Variants in KDM4C observed in about 807,000 individuals in gnomAD.
The protein encoded by KDM4C is lysine demethylase 4C.
KDM4C carries 81 observed loss-of-function variants against 129.3 expected under a neutral mutation model. That is an observed-to-expected ratio of 0.63 (90% CI 0.52 to 0.75). KDM4C has a LOEUF of 0.75. Among genes scored for constraint, KDM4C ranks in the 30% least tolerant of loss-of-function variants. The pLI, the probability that KDM4C is intolerant of heterozygous loss-of-function variation, is 0.00. For missense variants in KDM4C, 1,457 were observed against 1,304.0 expected, an observed-to-expected ratio of 1.12 and a Z score of -1.81; for synonymous variants, 573 against 456.1, an observed-to-expected ratio of 1.26 and a Z score of -3.26.
chr9:6,776,661 A>G (rs1015867017), intron 1 of KDM4C, among the ~76,000 whole-genome samples: 6 of 141,866 alleles, frequency 4.2e-5, no homozygotes, highest in Non-Finnish European at 6.1e-5. Flanking sequence ...CTGGAGTGCA[A>G]TGGCGCTATC....
intron 21 of KDM4C, chr9:7,170,939 C>CA (rs543398910): frequency 2.5e-4 from 39 of 152,994 alleles, no homozygotes; most frequent in South Asian, 6.9e-4. Flanking sequence ...AAAAAAAAAG[C>CA]AAAAAAAAAC....
intron 12 of KDM4C, among the ~76,000 whole-genome samples, chr9:7,009,154 C>T (rs888870366): frequency 3.3e-5 from 5 of 152,156 alleles, no homozygotes; most frequent in Non-Finnish European, 5.9e-5. Flanking sequence ...ATCAGGAAGA[C>T]AATGCACAAA....
chr9:6,990,565 T>G (rs77909542), intron 12 of KDM4C, 41 bp downstream of exon 12: 3 of 807,382 alleles, frequency 3.7e-6, no homozygotes, highest in East Asian at 2.9e-5. Context: ...TTTTTTTTTT[T>G]GGTGTGTAAA....
At chr9:7,044,490 A>T (rs1306648748) in intron 15 of KDM4C, among the ~76,000 whole-genome samples, 1 of 151,928 alleles carries the variant, frequency 6.6e-6, no homozygotes, top group Non-Finnish European at 1.5e-5. Context: ...AGCGAAAGTG[A>T]TGGCAGTGAT....
At position 7,013,820 on chromosome 9, in the gene KDM4C, A is replaced by T; in HGVS notation, c.2001A>T (p.Arg667Ser). The T allele has an allele frequency of 6.2e-7, 1 of 1,614,004 alleles. No homozygotes were observed. The highest frequency in any genetic ancestry group is 8.5e-7 in the Non-Finnish European group (1 of 1,179,906). Residue 667 changes from arginine to serine, a missense_variant, in exon 14 of 22, where the codon AGA (arginine) becomes AGT (serine). Coordinates refer to ENST00000381309, the MANE Select transcript of KDM4C (RefSeq NM_015061.6). ...PDSSNEENDA[R>S]WETKLDEVVT... ...GCAGCAATGAAGAAAATGATGCTAG[A>T]TGGGAGACAAAATTAGATGAAGTCG...
In KDM4C at chr9:6,981,002, T is replaced by A. The variant is rs557445858; in HGVS notation, c.999T>A (p.Leu333=). ...AATTTCAGCCAGACAGATATCAGCT[T>A]TGGAAACAAGGAAAGGATATATACA... ...VRKFQPDRYQ[L]WKQGKDIYTI... Residue 333 remains leucine (L), a synonymous_variant, in exon 9 of 22, where the codon CTT becomes CTA. Coordinates refer to ENST00000381309, the MANE Select transcript of KDM4C (RefSeq NM_015061.6). 6.8e-6 allele frequency: 11 copies of A among 1,613,886 alleles called. No individual in the cohort carries two copies. The South Asian group carries it at 1.2e-4, about 18-fold the overall frequency.
At chr9:6,916,023 G>A (rs770666312) in intron 8 of KDM4C, among the ~76,000 whole-genome samples, 24 of 152,318 alleles carry the variant, frequency 1.6e-4, no homozygotes, top group Non-Finnish European at 2.9e-4. Context: ...AATTTGGACA[G>A]CTTTGTGAGA....
intron 17 of KDM4C, among the ~76,000 whole-genome samples, chr9:7,057,309 A>G (rs1830996727): frequency 6.6e-6 from 1 of 152,264 alleles, no homozygotes; most frequent in Non-Finnish European, 1.5e-5. Flanking sequence ...AGACACAGAT[A>G]CTAGGACTGT....
rs560569999 is a variant in KDM4C at position 6,954,010 on chromosome 9, G to A, written c.922-26915G>A. ...GAGGTTTCAGAAGTAGCTGTCGGGGGTCAGCAAACCTTGCGCATAGGACTT... is the reference window on the plus strand; with the variant it reads ...GAGGTTTCAGAAGTAGCTGTCGGGGATCAGCAAACCTTGCGCATAGGACTT... On this transcript the variant is annotated intron_variant, in intron 8 of 21. Transcript: ENST00000381309. Among the ~76,000 whole-genome samples, 10 of 152,274 alleles carry A rather than the reference G, an allele frequency of 6.6e-5. 1 individual carries two copies. In the South Asian group the frequency reaches 2.1e-3, roughly 32 times the overall value.
rs138247154 is a variant in KDM4C at position 6,854,058 on chromosome 9, A to T, written c.629+4358A>T. On this transcript the variant is annotated intron_variant, in intron 5 of 21. Coordinates refer to ENST00000381309, the MANE Select transcript of KDM4C (RefSeq NM_015061.6). Reference sequence around the variant, plus strand: ...TTTTTTTTAGTCATAGTAGTTACTTAAAGTCTGAACTTGGCCATAATGTAT... The same window carrying T: ...TTTTTTTTAGTCATAGTAGTTACTTTAAGTCTGAACTTGGCCATAATGTAT... 4.7e-3 allele frequency among the ~76,000 whole-genome samples: 722 copies of T among 152,272 alleles called. 6 individuals are homozygous for T. Among genetic ancestry groups the T allele is most frequent in the African/African-American group, 0.017 (700 of 41,540 alleles).
chr9:7,017,919 T>A (rs1823975502), intron 15 of KDM4C, among the ~76,000 whole-genome samples: 2 of 152,186 alleles, frequency 1.3e-5, no homozygotes, highest in South Asian at 4.1e-4. Context: ...GCATTCACTT[T>A]GGGGAGTGAA....
intron 1 of KDM4C, among the ~76,000 whole-genome samples, chr9:6,767,678 C>T (rs1420079415): frequency 6.6e-6 from 1 of 152,130 alleles, no homozygotes; most frequent in Admixed American, 6.6e-5. Flanking sequence ...CCAGGCTGGT[C>T]TTGAAGTCCT....
intron 20 of KDM4C, among the ~76,000 whole-genome samples, chr9:7,169,360 G>A (rs1043552315): frequency 3.9e-5 from 6 of 151,994 alleles, no homozygotes; most frequent in Non-Finnish European, 8.8e-5. Flanking sequence ...GTTTTGAGAC[G>A]GAGTCTTACT....
intron 1 of KDM4C, among the ~76,000 whole-genome samples, chr9:6,731,325 C>CTTTTTTTTTTTTTTTT (rs34724329): frequency 1.8e-5 from 2 of 114,052 alleles, no homozygotes; most frequent in Non-Finnish European, 3.5e-5. Flanking sequence ...TTTTTTTTTG[C>CTTTTTTTTTTTTTTTT]TTTTTTTTTT....
At chr9:7,043,239 G>C (rs1828883426) in intron 15 of KDM4C, among the ~76,000 whole-genome samples, 1 of 151,922 alleles carries the variant, frequency 6.6e-6, no homozygotes, top group Admixed American at 6.6e-5. Flanking sequence ...TTTTATTCTT[G>C]ATATCAAGTT....
chr9:6,849,037 T>C lies in KDM4C; in HGVS notation c.436-470T>C, dbSNP rs548953694. Among the ~76,000 whole-genome samples the C allele has an allele frequency of 2.6e-5, 4 of 152,300 alleles. No individual in the cohort carries two copies. The South Asian group carries it at 6.2e-4, about 24-fold the overall frequency. On this transcript the variant is annotated intron_variant, in intron 4 of 21. Transcript: ENST00000381309. Reference sequence around the variant, plus strand: ...GATGGGAGAGAGATAGCAGAAGATATATTTTGCTGTTGGTTTCTTGATGTG... The same window carrying C: ...GATGGGAGAGAGATAGCAGAAGATACATTTTGCTGTTGGTTTCTTGATGTG...
intron 5 of KDM4C, among the ~76,000 whole-genome samples, chr9:6,866,279 C>CT (rs1554615939): frequency 3.6e-4 from 54 of 151,728 alleles, no homozygotes; most frequent in Non-Finnish European, 4.4e-5. Flanking sequence ...ACCCTTCTTT[C>CT]TTTCTTTTCT....
intron 8 of KDM4C, among the ~76,000 whole-genome samples, chr9:6,912,761 G>C (rs1246969110): frequency 6.6e-6 from 1 of 152,170 alleles, no homozygotes; most frequent in Non-Finnish European, 1.5e-5. Context: ...GCAGGTATTA[G>C]TGTCTGCTGA....
At chr9:6,729,537 T>A (rs1471082434) in intron 1 of KDM4C, among the ~76,000 whole-genome samples, 1 of 133,528 alleles carries the variant, frequency 7.5e-6, no homozygotes, top group Non-Finnish European at 1.5e-5. Flanking sequence ...ACAGAGACCC[T>A]GTCTCAAAAA....
Sources: gnomAD v4.1 joint callset for allele counts (sites outside exome capture counted in the v4.1 genomes callset) on GRCh38, gnomAD v4.1.1 for gene constraint, MANE v1.5 for transcripts, NCBI Gene and HGNC (gene_info 2026-07-23, HGNC 2026-07-21) for gene names.